POLR1E: variants seen among roughly 807,000 people sequenced by gnomAD.
POLR1E encodes the protein RNA polymerase I subunit E.
A neutral mutation model predicts 50.9 loss-of-function variants in POLR1E; 37 were observed. The observed-to-expected ratio is 0.73, with a 90% CI of 0.56 to 0.96. The LOEUF is 0.96. POLR1E is among the 40% of genes least tolerant of loss of function. POLR1E has a pLI of 0.00. For synonymous variants in POLR1E, 166 were observed against 191.6 expected, an observed-to-expected ratio of 0.87 and a Z score of 1.10; for missense variants, 426 against 518.1, an observed-to-expected ratio of 0.82 and a Z score of 1.73.
At position 37,487,885 on chromosome 9, in the gene POLR1E, C is replaced by G. The variant is rs765933246; in HGVS notation, c.203C>G (p.Ser68Cys). ...RILAAETDRLSYVGNNFGTGA... is the reference protein window; with the variant it reads ...RILAAETDRLCYVGNNFGTGA... ...TAGGCAGCTGAAACAGATAGGCTCT[C>G]CTATGTGGGAAACAATTTTGGGACT... is the stretch of plus-strand genomic sequence containing the variant. Residue 68 changes from serine (S) to cysteine (C), a missense_variant, in exon 3 of 12, where the codon TCC (serine) becomes TGC (cysteine). Transcript: ENST00000377798. The G allele has an allele frequency of 8.1e-6, 13 of 1,614,072 alleles. No individual in the cohort carries two copies. Among genetic ancestry groups the G allele is most frequent in the Non-Finnish European group, 1.1e-5 (13 of 1,180,042 alleles).
intron 10 of POLR1E, 45 bp from the exon 11 acceptor site, chr9:37,501,668 T>G: frequency 1.3e-6 from 2 of 1,593,904 alleles, no homozygotes; most frequent in Non-Finnish European, 1.7e-6. Context: ...AGAAATTGTC[T>G]GAGAGTTTAA....
At chr9:37,486,375 C>A in intron 1 of POLR1E, 1 of 1,489,696 alleles carries the variant, frequency 6.7e-7, no homozygotes, top group Non-Finnish European at 9.0e-7. Context: ...CCCTCACCCA[C>A]CAGGTCTCCC....
Position 37,486,717 on chromosome 9 carries a change from G to A in POLR1E, c.91G>A (p.Gly31Arg), listed in dbSNP as rs764828689. ...CACTCTTACAGTCCAGTTCTCCAAC[G>A]GGAAGCTACAGAGTCCAGGCAACAT... ...QRAVLVQFSN[G>R]KLQSPGNMRF... Residue 31 changes from glycine to arginine, a missense_variant, in exon 2 of 12, where the codon GGG becomes AGG. Gly to Arg is a moderately radical substitution (Grantham distance 125). Transcript: ENST00000377798. The A allele has an allele frequency of 6.2e-7, 1 of 1,614,202 alleles. No individual in the cohort carries two copies. Among genetic ancestry groups the A allele is most frequent in the Non-Finnish European group, 8.5e-7 (1 of 1,180,036 alleles).
At chr9:37,498,030 T>G in intron 8 of POLR1E, 61 bp from the exon 9 acceptor site, 1 of 1,559,172 alleles carries the variant, frequency 6.4e-7, no homozygotes, top group South Asian at 1.2e-5. Context: ...AAGAGGGAAG[T>G]AGTTCCTGAC....
At chr9:37,491,177 G>C (rs761103410) in intron 4 of POLR1E, among the ~76,000 whole-genome samples, 13 of 152,052 alleles carry the variant, frequency 8.5e-5, no homozygotes, top group Non-Finnish European at 1.5e-4. Context: ...AAATAAAAGG[G>C]TCACACTCAA....
Position 37,498,204 on chromosome 9 carries a change from A to G in POLR1E, c.866A>G (p.His289Arg). 6.2e-7 allele frequency: 1 copy of G among 1,613,862 alleles called. No individual in the cohort carries two copies. Among genetic ancestry groups the G allele is most frequent in the Non-Finnish European group, 8.5e-7 (1 of 1,179,848 alleles). ...FLDTLIKFRA[H>R]RVVKRKSALG... ...GATACCCTCATCAAATTTCGAGCTC[A>G]TAGGGTAGTTAAGCGGAAAAGTAAG... Residue 289 changes from histidine (H) to arginine (R), a missense_variant, in exon 9 of 12, where the codon CAT becomes CGT. Coordinates refer to ENST00000377798, the MANE Select transcript of POLR1E (RefSeq NM_022490.4).
rs1820929364 is a variant in POLR1E at position 37,503,404 on chromosome 9, C to G, written c.*202C>G. On this transcript the variant is annotated 3_prime_UTR_variant, in exon 12 of 12. Transcript: ENST00000377798. ...CCAGTCTGGACAACATAGGGAGACCCCATCTCTACCGGAGGAAAAAAAAAA... is the reference window on the plus strand; with the variant it reads ...CCAGTCTGGACAACATAGGGAGACCGCATCTCTACCGGAGGAAAAAAAAAA... 1.3e-5 allele frequency: 6 copies of G among 470,716 alleles called. No individual in the cohort carries two copies. The East Asian group carries it at 2.3e-4, about 18-fold the overall frequency. The allele number at this position is 470,716 out of a possible 1,614,324, so 29.2% of individuals were successfully genotyped here. A position where few individuals can be genotyped will look rare whatever the true frequency, so the allele number is the denominator to read the frequency against.
chr9:37,492,403 G>GT, intron 4 of POLR1E: 1 of 1,053,586 alleles, frequency 9.5e-7, no homozygotes, highest in Non-Finnish European at 1.3e-6. Context: ...TGGGCCTTCT[G>GT]TTTTTTAATT....
At chr9:37,486,425 T>C in intron 1 of POLR1E, 1 of 1,535,592 alleles carries the variant, frequency 6.5e-7, no homozygotes. Context: ...CAGGGGTTCC[T>C]TCTGTCACTT....
At chr9:37,494,503 A>G (rs1423840490) in intron 6 of POLR1E, among the ~76,000 whole-genome samples, 1 of 152,196 alleles carries the variant, frequency 6.6e-6, no homozygotes, top group Admixed American at 6.5e-5. Flanking sequence ...AGTGGTGCAG[A>G]CATGGCTCAC....
chr9:37,486,873 T>G, intron 2 of POLR1E, 67 bp downstream of exon 2: 3 of 1,534,056 alleles, frequency 2.0e-6, no homozygotes, highest in Non-Finnish European at 2.6e-6. Flanking sequence ...AGTGGGTGGA[T>G]GTGGGAGGGA....
intron 9 of POLR1E, among the ~76,000 whole-genome samples, chr9:37,499,730 T>C (rs1588806689): frequency 6.6e-6 from 1 of 152,042 alleles, no homozygotes; most frequent in East Asian, 1.9e-4. Context: ...GGTTTTTCCA[T>C]GTTGGCCAGG....
chr9:37,499,528 T>G (rs79583436), intron 9 of POLR1E, among the ~76,000 whole-genome samples: 1 of 93,894 alleles, frequency 1.1e-5, no homozygotes, highest in Admixed American at 1.2e-4. Context: ...TTTTTTTGTT[T>G]TGTTTTTGTT....
chr9:37,486,854 G>GC (rs1307925479), intron 2 of POLR1E, 48 bp downstream of exon 2: 1 of 1,557,736 alleles, frequency 6.4e-7, no homozygotes, highest in African/African-American at 1.4e-5. Flanking sequence ...GGCTCAGAAG[G>GC]CCCCTGGGAG....
intron 4 of POLR1E, among the ~76,000 whole-genome samples, chr9:37,491,759 T>C (rs1820689042): frequency 6.6e-6 from 1 of 152,170 alleles, no homozygotes; most frequent in Admixed American, 6.5e-5. Context: ...CCACCGTGCC[T>C]AGCCAAATTT....
chr9:37,502,358 G>T (rs920311215), intron 11 of POLR1E, among the ~76,000 whole-genome samples: 6 of 152,224 alleles, frequency 3.9e-5, no homozygotes, highest in Non-Finnish European at 7.3e-5. Context: ...GGAACCGCTG[G>T]TTCCAAGGCC....
intron 4 of POLR1E, chr9:37,490,784 C>T: frequency 3.2e-6 from 2 of 626,532 alleles, no homozygotes; most frequent in Middle Eastern, 5.6e-4. Flanking sequence ...TACGATATCA[C>T]CTTTCTTATA....
At chr9:37,487,808 G>A (rs757624467) in intron 2 of POLR1E, 55 bp from the exon 3 acceptor site, 26 of 1,513,554 alleles carry the variant, frequency 1.7e-5, no homozygotes, top group Non-Finnish European at 2.3e-5. Flanking sequence ...GAGAAATGAT[G>A]CTTAATACCT....
At chr9:37,498,513 A>G (rs1820823876) in intron 9 of POLR1E, among the ~76,000 whole-genome samples, 1 of 152,240 alleles carries the variant, frequency 6.6e-6, no homozygotes, top group South Asian at 2.1e-4. Context: ...CATGAGGCAA[A>G]GTAGAATATC....
Sources: gnomAD v4.1 joint callset for allele counts (sites outside exome capture counted in the v4.1 genomes callset) on GRCh38, gnomAD v4.1.1 for gene constraint, MANE v1.5 for transcripts, NCBI Gene and HGNC (gene_info 2026-07-23, HGNC 2026-07-21) for gene names.